The following PITPNC1 variants were observed in gnomAD, a reference collection of about 807,000 sequenced individuals.
The protein encoded by PITPNC1 is cytoplasmic phosphatidylinositol transfer protein 1.
In PITPNC1, 18 loss-of-function variants were observed where a neutral mutation model predicts 44.7. That is an observed-to-expected ratio of 0.40 (90% CI 0.28 to 0.60). The LOEUF (loss-of-function observed/expected upper bound fraction) is 0.60. Ranked by LOEUF, PITPNC1 falls within the 20% of genes least tolerant of loss-of-function variation. The pLI is 0.39. For missense variants in PITPNC1, 290 were observed against 418.4 expected, an observed-to-expected ratio of 0.69 and a Z score of 2.68; for synonymous variants, 141 against 149.6, an observed-to-expected ratio of 0.94 and a Z score of 0.42.
At chr17:67,602,983 C>T (rs895546120) in intron 5 of PITPNC1, among the ~76,000 whole-genome samples, 1 of 152,086 alleles carries the variant, frequency 6.6e-6, no homozygotes, top group African/African-American at 2.4e-5. Context: ...TCAAGTGATC[C>T]TCTTGCCTCA....
chr17:67,518,455 G>T (rs1395065279), intron 1 of PITPNC1, among the ~76,000 whole-genome samples: 2 of 142,598 alleles, frequency 1.4e-5, no homozygotes. Context: ...GACTCTTCTG[G>T]TTTAAATAAA....
At position 67,399,073 on chromosome 17, in the gene PITPNC1, G is replaced by A. The variant is rs1013781294; in HGVS notation, c.48+20871G>A. On this transcript the variant is annotated intron_variant, in intron 1 of 8. Transcript: ENST00000581322. The stretch of plus-strand genomic sequence containing the variant: ...TCTGTTTCCCAGGCTGGAGTGCAGT[G>A]GTGCGATCTCGGCTCACTGCAACTT... Among the ~76,000 whole-genome samples the A allele has an allele frequency of 3.5e-5, 5 of 144,550 alleles. No individual in the cohort carries two copies. The Admixed American group carries it at 3.6e-4, about 10-fold the overall frequency. 94.8% of individuals were successfully genotyped at this position (144,550 alleles called of 152,430 possible). A position where few individuals can be genotyped will look rare whatever the true frequency, so the allele number is the denominator to read the frequency against.
rs1196163783 is a variant in PITPNC1, at chr17:67,504,935, A to G, written c.49-27867A>G. 6.6e-5 allele frequency among the ~76,000 whole-genome samples: 10 copies of G among 152,088 alleles called. 1 individual carries two copies. Among genetic ancestry groups the G allele is most frequent in the Non-Finnish European group, 1.5e-4 (10 of 68,012 alleles). On this transcript the variant is annotated intron_variant, in intron 1 of 8. Coordinates refer to ENST00000581322, the MANE Select transcript of PITPNC1 (RefSeq NM_012417.4). Reference sequence around the variant, plus strand: ...TGTCACTTAAGTTTTGGTATGTTGTATCTTCATTTCTAATCATCTCAAATT... The same window carrying G: ...TGTCACTTAAGTTTTGGTATGTTGTGTCTTCATTTCTAATCATCTCAAATT...
chr17:67,516,993 T>C (rs2040267117), intron 1 of PITPNC1, among the ~76,000 whole-genome samples: 1 of 78,710 alleles, frequency 1.3e-5, no homozygotes, highest in Non-Finnish European at 2.6e-5. Context: ...TGCTGCTCTG[T>C]TCCTACCCCT....
At chr17:67,564,057 G>A (rs1190771949) in intron 4 of PITPNC1, among the ~76,000 whole-genome samples, 2 of 152,120 alleles carry the variant, frequency 1.3e-5, no homozygotes, top group East Asian at 3.8e-4. Context: ...TGATTAGATA[G>A]GTAGATTGGA....
chr17:67,678,116 C>A (rs1034502029), intron 8 of PITPNC1, among the ~76,000 whole-genome samples: 4 of 151,536 alleles, frequency 2.6e-5, no homozygotes, highest in African/African-American at 7.3e-5. Flanking sequence ...TTCAGGAGAC[C>A]GAGGTGAAAG....
rs550357943 is a variant in PITPNC1, at chr17:67,578,200, G to A, written c.309G>A (p.Pro103=). 6.4e-5 allele frequency: 103 copies of A among 1,611,544 alleles called. No individual in the cohort carries two copies. Among genetic ancestry groups the A allele is most frequent in the East Asian group, 1.3e-4 (6 of 44,882 alleles). The change falls in exon 5 of 9, where the codon CCG becomes CCA. Residue 103 remains proline, a synonymous_variant. Transcript: ENST00000581322. ...TTCTCCCACAGTGTTCCTTTCTGCCGAAATTCTCCATTCATATAGAAACCA... is the reference window on the plus strand; with the variant it reads ...TTCTCCCACAGTGTTCCTTTCTGCCAAAATTCTCCATTCATATAGAAACCA... The part of the protein sequence containing the change: ...TITEYTCSFL[P]KFSIHIETKY...
intron 6 of PITPNC1, among the ~76,000 whole-genome samples, chr17:67,636,869 C>T (rs1481380047): frequency 1.3e-5 from 2 of 152,190 alleles, no homozygotes; most frequent in Non-Finnish European, 2.9e-5. Flanking sequence ...ACACCCTCCA[C>T]CCCACCACAG....
chr17:67,688,292 C>A (rs371332345), intron 8 of PITPNC1, among the ~76,000 whole-genome samples: 1 of 111,228 alleles, frequency 9.0e-6, no homozygotes, highest in Non-Finnish European at 1.8e-5. Flanking sequence ...GAGCCAAGAT[C>A]GCGCCATTGC....
intron 2 of PITPNC1, among the ~76,000 whole-genome samples, chr17:67,549,006 T>C (rs914040869): frequency 3.3e-5 from 5 of 152,138 alleles, no homozygotes; most frequent in Non-Finnish European, 7.3e-5. Flanking sequence ...AGACAAATGA[T>C]TGGAATAATG....
At position 67,632,481 on chromosome 17, in the gene PITPNC1, A is replaced by G. The variant is rs1223402615; in HGVS notation, c.462+243A>G. 2.8e-5 allele frequency: 15 copies of G among 534,930 alleles called. No individual in the cohort carries two copies. The East Asian group carries it at 4.5e-4, about 16-fold the overall frequency. 33.1% of individuals were successfully genotyped at this position (534,930 alleles called of 1,614,324 possible). ...TTTCCTGTCTCCCAACTCTGCCATCATTTTTGGCAACGTCAGTATCCATAG... is the reference window on the plus strand; with the variant it reads ...TTTCCTGTCTCCCAACTCTGCCATCGTTTTTGGCAACGTCAGTATCCATAG... On this transcript the variant is annotated intron_variant, in intron 6 of 8. Coordinates refer to ENST00000581322, the MANE Select transcript of PITPNC1 (RefSeq NM_012417.4).
intron 1 of PITPNC1, among the ~76,000 whole-genome samples, chr17:67,394,521 A>G (rs1348484434): frequency 6.6e-6 from 1 of 152,210 alleles, no homozygotes; most frequent in Non-Finnish European, 1.5e-5. Context: ...ATTGTACTAT[A>G]AAATCTAATA....
chr17:67,629,238 C>CTGTGTGTGTG (rs71139164), intron 5 of PITPNC1, among the ~76,000 whole-genome samples: 1,320 of 131,312 alleles, frequency 0.01, 34 homozygotes, highest in African/African-American at 0.034. Flanking sequence ...CTGGGGTATT[C>CTGTGTGTGTG]TGTGTGTGTG....
chr17:67,654,292 G>GA (rs2042240335), intron 6 of PITPNC1, among the ~76,000 whole-genome samples: 1 of 152,140 alleles, frequency 6.6e-6, no homozygotes, highest in Non-Finnish European at 1.5e-5. Flanking sequence ...CCAGAAAATG[G>GA]AAATGCCCAC....
At position 67,544,630 on chromosome 17, in the gene PITPNC1, TC is replaced by T. The variant is rs528449738; in HGVS notation, c.198-7625del. Among the ~76,000 whole-genome samples the T allele has an allele frequency of 2.0e-4, 31 of 152,388 alleles. No individual in the cohort carries two copies. In the East Asian group the frequency reaches 6.0e-3, roughly 29 times the overall value. On this transcript the variant is annotated intron_variant, in intron 2 of 8. Transcript: ENST00000581322. ...TTTTCCCGCTACATGGCCCTTGCCT[TC>T]CACGGCAATGTCTCCTGGCCTCTGA...
At chr17:67,592,506 A>T (rs2144258793) in intron 5 of PITPNC1, among the ~76,000 whole-genome samples, 1 of 152,374 alleles carries the variant, frequency 6.6e-6, no homozygotes, top group African/African-American at 2.4e-5. Context: ...ATCAGATGGA[A>T]AAATAAAAGT....
chr17:67,420,462 C>CTTT (rs1411485782), intron 1 of PITPNC1, among the ~76,000 whole-genome samples: 1 of 142,584 alleles, frequency 7.0e-6, no homozygotes, highest in Non-Finnish European at 1.5e-5. Flanking sequence ...TTTCTTGAGT[C>CTTT]TTTCTCTGTT....
intron 1 of PITPNC1, among the ~76,000 whole-genome samples, chr17:67,436,910 T>TTG (rs2038945233): frequency 9.1e-6 from 1 of 109,744 alleles, no homozygotes; most frequent in African/African-American, 3.9e-5. Flanking sequence ...ATAGGGGTGT[T>TTG]TTTTTTTTTT....
intron 1 of PITPNC1, among the ~76,000 whole-genome samples, chr17:67,388,476 C>T (rs2038087671): frequency 6.6e-6 from 1 of 151,920 alleles, no homozygotes; most frequent in South Asian, 2.1e-4. Context: ...TGCCCACCAC[C>T]ACGCCCGGCT....
Sources: gnomAD v4.1 joint callset for allele counts (sites outside exome capture counted in the v4.1 genomes callset) on GRCh38, gnomAD v4.1.1 for gene constraint, MANE v1.5 for transcripts, NCBI Gene and HGNC (gene_info 2026-07-23, HGNC 2026-07-21) for gene names.